CDYL2: variants seen among roughly 807,000 people sequenced by gnomAD.
CDYL2 encodes the protein chromodomain Y-like protein 2.
CDYL2 carries 23 observed loss-of-function variants against 49.4 expected under a neutral mutation model. That is an observed-to-expected ratio of 0.47 (90% CI 0.34 to 0.66). CDYL2 has a LOEUF of 0.66. Among genes scored for constraint, CDYL2 ranks in the 30% least tolerant of loss-of-function variants. CDYL2 has a pLI of 0.01. For synonymous variants in CDYL2, 360 were observed against 268.8 expected, an observed-to-expected ratio of 1.34 and a Z score of -3.32; for missense variants, 678 against 656.4, an observed-to-expected ratio of 1.03 and a Z score of -0.36.
chr16:80,672,352 C>CAGAGAGAG (rs1555528924), intron 2 of CDYL2, among the ~76,000 whole-genome samples: 32 of 117,834 alleles, frequency 2.7e-4, no homozygotes, highest in Admixed American at 1.1e-3. Context: ...CACACACACA[C>CAGAGAGAG]AGAGAGAGAG....
chr16:80,638,258 G>A (rs79620064), intron 2 of CDYL2, among the ~76,000 whole-genome samples: 2,058 of 152,160 alleles, frequency 0.014, 51 homozygotes, highest in African/African-American at 0.046. Flanking sequence ...ATTTTTCGCA[G>A]AGAACAGGGT....
intron 1 of CDYL2, among the ~76,000 whole-genome samples, chr16:80,803,794 G>A (rs936468216): frequency 7.0e-6 from 1 of 143,186 alleles, no homozygotes; most frequent in East Asian, 2.1e-4. Flanking sequence ...TTCTGTACTC[G>A]AGGCGGCTCG....
chr16:80,756,705 A>G (rs1453296426), intron 1 of CDYL2, among the ~76,000 whole-genome samples: 2 of 152,152 alleles, frequency 1.3e-5, no homozygotes, highest in East Asian at 3.8e-4. Context: ...GTACACACTA[A>G]AACCACAGTC....
intron 1 of CDYL2, among the ~76,000 whole-genome samples, chr16:80,693,735 C>T (rs528452965): frequency 9.0e-4 from 137 of 152,172 alleles, no homozygotes; most frequent in South Asian, 3.7e-3. Flanking sequence ...AACTGTTCTG[C>T]GTGGTCCTAT....
At chr16:80,754,179 C>A (rs750825106) in intron 1 of CDYL2, among the ~76,000 whole-genome samples, 4 of 152,306 alleles carry the variant, frequency 2.6e-5, no homozygotes, top group Non-Finnish European at 5.9e-5. Flanking sequence ...GGGAAGGGGA[C>A]TGAGATGCTT....
At chr16:80,772,272 G>A (rs918517618) in intron 1 of CDYL2, among the ~76,000 whole-genome samples, 1 of 152,064 alleles carries the variant, frequency 6.6e-6, no homozygotes, top group African/African-American at 2.4e-5. Context: ...GACATGGAGA[G>A]GGAAGTAAAG....
chr16:80,657,507 G>T (rs1908861703), intron 2 of CDYL2, among the ~76,000 whole-genome samples: 1 of 152,048 alleles, frequency 6.6e-6, no homozygotes, highest in Non-Finnish European at 1.5e-5. Context: ...CACAAAAATG[G>T]CCCTTAAATA....
rs373894236 is a variant in CDYL2, at chr16:80,752,639, C to T, written c.24+51511G>A. Among the ~76,000 whole-genome samples the T allele has an allele frequency of 1.3e-4, 20 of 152,236 alleles. No individual in the cohort carries two copies. In the East Asian group the frequency reaches 3.7e-3, roughly 28 times the overall value. ...CAAATGCCACTCAGAATTATTTGCC[C>T]TATGGAAATATCCTTATAAAATGAA... is the stretch of plus-strand genomic sequence containing the variant. On this transcript the variant is annotated intron_variant, in intron 1 of 6. Coordinates refer to ENST00000570137, the MANE Select transcript of CDYL2 (RefSeq NM_152342.4).
chr16:80,742,048 AC>A (rs1567591657), intron 1 of CDYL2: 1 of 152,224 alleles, frequency 6.6e-6, no homozygotes, highest in African/African-American at 2.4e-5. Flanking sequence ...GTGTATTTTA[AC>A]CCTTTAAAAA....
At chr16:80,756,313 T>G (rs1316620751) in intron 1 of CDYL2, among the ~76,000 whole-genome samples, 1 of 152,074 alleles carries the variant, frequency 6.6e-6, no homozygotes. Flanking sequence ...TCCACAAACC[T>G]CTGTCTAGTC....
At chr16:80,803,916 G>T (rs1175494493) in intron 1 of CDYL2, among the ~76,000 whole-genome samples, 1 of 144,686 alleles carries the variant, frequency 6.9e-6, no homozygotes, top group Non-Finnish European at 1.5e-5. Flanking sequence ...GTGTGTGTGC[G>T]AGAGAAAGAG....
chr16:80,763,460 A>C (rs993522709), intron 1 of CDYL2, among the ~76,000 whole-genome samples: 3 of 151,878 alleles, frequency 2.0e-5, no homozygotes, highest in Non-Finnish European at 1.5e-5. Context: ...AAAAACAAAA[A>C]AAAAAGCCAG....
Position 80,600,812 on chromosome 16 carries a change from AC to A in CDYL2, c.*3575del, listed in dbSNP as rs1379963826. On this transcript the variant is annotated 3_prime_UTR_variant, in exon 7 of 7. Transcript: ENST00000570137. The stretch of plus-strand genomic sequence containing the variant: ...AAAAAAAGTTTACAAAATTTTTAAA[AC>A]CAAAAATTAATGGGAAATGCAATTC... 1 of 152,226 alleles carries A rather than the reference AC, an allele frequency of 6.6e-6. No individual in the cohort carries two copies. The highest frequency in any genetic ancestry group is 1.9e-4 in the East Asian group (1 of 5,204). The allele number at this position is 152,226 out of a possible 1,614,324, so 9.4% of individuals were successfully genotyped here. A position where few individuals can be genotyped will look rare whatever the true frequency, so the allele number is the denominator to read the frequency against.
Position 80,804,218 on chromosome 16 carries a change from T to C in CDYL2, c.-45A>G, listed in dbSNP as rs1217946332. On this transcript the variant is annotated 5_prime_UTR_variant, in exon 1 of 7. Transcript: ENST00000570137. ...CTCGCCGGTGTGCGCGTCTGCTCGC[T>C]CGCGCCCTCCGTGCGTGTGCGCGCG... 1 of 1,334,858 alleles carries C rather than the reference T, an allele frequency of 7.5e-7. No individual in the cohort carries two copies. Among genetic ancestry groups the C allele is most frequent in the Admixed American group, 2.6e-5 (1 of 37,940 alleles). 82.7% of individuals were successfully genotyped at this position (1,334,858 alleles called of 1,614,324 possible).
At chr16:80,773,871 A>G (rs1906991711) in intron 1 of CDYL2, among the ~76,000 whole-genome samples, 1 of 152,058 alleles carries the variant, frequency 6.6e-6, no homozygotes, top group African/African-American at 2.4e-5. Flanking sequence ...GAATTTTTTT[A>G]ATAAAACAAG....
At chr16:80,623,140 G>A (rs1907156496) in intron 3 of CDYL2, among the ~76,000 whole-genome samples, 1 of 152,056 alleles carries the variant, frequency 6.6e-6, no homozygotes, top group South Asian at 2.1e-4. Context: ...CCTTGGAACA[G>A]CAGCAACACA....
rs1906102700 is a variant in CDYL2, at chr16:80,601,901, G to T, written c.*2487C>A. 1.3e-5 allele frequency: 2 copies of T among 152,144 alleles called. No homozygotes were observed. The highest frequency in any genetic ancestry group is 2.9e-5 in the Non-Finnish European group (2 of 68,016). The allele number at this position is 152,144 out of a possible 1,614,324, so 9.4% of individuals were successfully genotyped here. A position where few individuals can be genotyped will look rare whatever the true frequency, so the allele number is the denominator to read the frequency against. On this transcript the variant is annotated 3_prime_UTR_variant, in exon 7 of 7. Transcript: ENST00000570137. ...GATCCTTGAAATGTTTAGAAGTTTG[G>T]ATTTGATAGTACATCCAAAGCTGAA...
chr16:80,694,317 G>T (rs141283044), intron 1 of CDYL2, among the ~76,000 whole-genome samples: 129 of 152,348 alleles, frequency 8.5e-4, no homozygotes, highest in African/African-American at 3.0e-3. Context: ...GTTCCTAACA[G>T]GCCACGGCCT....
intron 2 of CDYL2, among the ~76,000 whole-genome samples, chr16:80,673,429 C>G (rs1909613993): frequency 6.6e-6 from 1 of 152,164 alleles, no homozygotes; most frequent in East Asian, 1.9e-4. Flanking sequence ...TTCATTTAAA[C>G]AAAATAATTA....
Sources: allele counts gnomAD v4.1 joint callset (sites outside exome capture counted in the v4.1 genomes callset), GRCh38; gene constraint gnomAD v4.1.1; transcripts MANE v1.5; gene names NCBI Gene and HGNC (gene_info 2026-07-23, HGNC 2026-07-21).